Variants in ZFYVE9 observed in about 807,000 individuals in gnomAD.
The protein encoded by ZFYVE9 is zinc finger FYVE-type containing 9.
In ZFYVE9, 43 loss-of-function variants were observed where a neutral mutation model predicts 126.7. The observed-to-expected ratio is 0.34, with a 90% CI of 0.27 to 0.44. The LOEUF (loss-of-function observed/expected upper bound fraction) is 0.44, where lower values mean the gene tolerates loss of function less well. Ranked by LOEUF, ZFYVE9 falls within the 20% of genes least tolerant of loss-of-function variation. The pLI is 1.00. For synonymous variants in ZFYVE9, 521 were observed against 597.4 expected (o/e 0.87, Z 1.87); for missense variants, 1,476 against 1,697.0 (o/e 0.87, Z 2.29).
intron 1 of ZFYVE9, among the ~76,000 whole-genome samples, chr1:52,143,589 C>T (rs936394624): frequency 6.6e-6 from 1 of 152,102 alleles, no homozygotes; most frequent in Non-Finnish European, 1.5e-5. Context: ...GTAAACAGTA[C>T]AGGTTTATAA....
intron 9 of ZFYVE9, among the ~76,000 whole-genome samples, chr1:52,279,224 G>T (rs1188665476): frequency 6.6e-6 from 1 of 152,126 alleles, no homozygotes; most frequent in African/African-American, 2.4e-5. Flanking sequence ...TTCTTGAGAT[G>T]AGTATGTTAA....
intron 2 of ZFYVE9, among the ~76,000 whole-genome samples, chr1:52,223,311 C>T (rs1216501853): frequency 3.3e-5 from 5 of 152,148 alleles, no homozygotes; most frequent in Non-Finnish European, 5.9e-5. Context: ...CAGGTTTCAT[C>T]CCTTTGCTTC....
At chr1:52,205,039 C>T (rs1296285662) in intron 1 of ZFYVE9, among the ~76,000 whole-genome samples, 3 of 146,056 alleles carry the variant, frequency 2.1e-5, no homozygotes, top group Non-Finnish European at 3.0e-5. Flanking sequence ...TCTGTCCCTT[C>T]GAATTTGGGT....
At chr1:52,345,057 A>G in intron 18 of ZFYVE9, 113 bp downstream of exon 18, 1 of 1,180,870 alleles carries the variant, frequency 8.5e-7, no homozygotes, top group Non-Finnish European at 1.2e-6. Flanking sequence ...TTCTGGCCTG[A>G]CTGGATATAG....
At position 52,215,897 on chromosome 1, in the gene ZFYVE9, A is replaced by G. The variant is rs563512451; in HGVS notation, c.-142-472A>G. Among the ~76,000 whole-genome samples, 5 of 152,118 alleles carry G rather than the reference A, an allele frequency of 3.3e-5. No individual in the cohort carries two copies. The East Asian group carries it at 7.7e-4, about 23-fold the overall frequency. The stretch of plus-strand genomic sequence containing the variant: ...TGGAATCAAGAGACTCCATTTGGAG[A>G]AAAAAAACAGTTTGGCAATAAAAAT... On this transcript the variant is annotated intron_variant, in intron 1 of 18. Coordinates refer to ENST00000287727, the MANE Select transcript of ZFYVE9 (RefSeq NM_004799.4).
chr1:52,333,216 C>G (rs117185220), intron 14 of ZFYVE9, among the ~76,000 whole-genome samples: 1 of 150,812 alleles, frequency 6.6e-6, no homozygotes, highest in Admixed American at 6.6e-5. Flanking sequence ...GCAAAACTAA[C>G]ATGGCATGTG....
At chr1:52,329,799 G>A (rs139102510) in intron 13 of ZFYVE9, among the ~76,000 whole-genome samples, 2,136 of 152,228 alleles carry the variant, frequency 0.014, 71 homozygotes, top group East Asian at 0.12. Flanking sequence ...CAGCTACTCG[G>A]GAGGCTGAGG....
chr1:52,169,575 A>G (rs548052995), intron 1 of ZFYVE9, among the ~76,000 whole-genome samples: 1 of 152,204 alleles, frequency 6.6e-6, no homozygotes, highest in African/African-American at 2.4e-5. Context: ...TTGCTGTTTC[A>G]TCTCCAGTGC....
chr1:52,337,730 G>C (rs764826289), intron 15 of ZFYVE9, 42 bp from the exon 16 acceptor site: 4 of 1,597,706 alleles, frequency 2.5e-6, no homozygotes, highest in Non-Finnish European at 3.4e-6. Context: ...GCCAGGTGCT[G>C]TGTTTCATTT....
At chr1:52,180,093 T>C (rs1644683525) in intron 1 of ZFYVE9, 6 of 904,954 alleles carry the variant, frequency 6.6e-6, no homozygotes, top group Non-Finnish European at 9.4e-6. Flanking sequence ...AGCAACTAAA[T>C]TGAAGAATAA....
At chr1:52,281,879 A>G (rs978448418) in intron 10 of ZFYVE9, 63 bp downstream of exon 10, 1 of 1,579,712 alleles carries the variant, frequency 6.3e-7, no homozygotes, top group Non-Finnish European at 8.7e-7. Flanking sequence ...TTGAATTCAA[A>G]TACAAAATAA....
chr1:52,201,221 ATTTTGTT>A (rs1644920010), intron 1 of ZFYVE9, among the ~76,000 whole-genome samples: 1 of 152,002 alleles, frequency 6.6e-6, no homozygotes, highest in Non-Finnish European at 1.5e-5. Flanking sequence ...ATATAGAAGT[ATTTTGTT>A]TATTTTGGTG....
At chr1:52,343,699 T>G (rs1384207225) in intron 17 of ZFYVE9, among the ~76,000 whole-genome samples, 1 of 151,172 alleles carries the variant, frequency 6.6e-6, no homozygotes, top group South Asian at 2.1e-4. Flanking sequence ...GAGGTTGCAC[T>G]GAACTGAGAT....
chr1:52,307,120 A>G (rs554366525), intron 13 of ZFYVE9, among the ~76,000 whole-genome samples: 3 of 152,368 alleles, frequency 2.0e-5, no homozygotes, highest in African/African-American at 7.2e-5. Flanking sequence ...TGTCATTCCC[A>G]AGCAAATAAC....
chr1:52,164,528 A>G (rs1188954018), intron 1 of ZFYVE9, among the ~76,000 whole-genome samples: 1 of 151,900 alleles, frequency 6.6e-6, no homozygotes, highest in East Asian at 1.9e-4. Flanking sequence ...ATGAGTATAT[A>G]TCTTTATACA....
At chr1:52,175,739 C>G (rs1419046157) in intron 1 of ZFYVE9, among the ~76,000 whole-genome samples, 1 of 152,166 alleles carries the variant, frequency 6.6e-6, no homozygotes, top group Non-Finnish European at 1.5e-5. Flanking sequence ...TCCCTTCTTG[C>G]TTCATTTCAT....
At chr1:52,290,649 T>C (rs1166278762) in intron 10 of ZFYVE9, among the ~76,000 whole-genome samples, 1 of 152,086 alleles carries the variant, frequency 6.6e-6, no homozygotes, top group Non-Finnish European at 1.5e-5. Flanking sequence ...GGGGATCTTA[T>C]CTCCCTAAAG....
rs528672306 is a variant in ZFYVE9 at position 52,210,124 on chromosome 1, A to C, written c.-142-6245A>C. Among the ~76,000 whole-genome samples, 37 of 152,324 alleles carry C rather than the reference A, an allele frequency of 2.4e-4. 1 individual carries two copies. In the South Asian group the frequency reaches 7.7e-3, roughly 32 times the overall value. ...GAATGTAGAGTTGGGAGGAGAGGATAGTATCTAGAATTGTACTTAAGTTTC... is the reference window on the plus strand; with the variant it reads ...GAATGTAGAGTTGGGAGGAGAGGATCGTATCTAGAATTGTACTTAAGTTTC... On this transcript the variant is annotated intron_variant, in intron 1 of 18. Coordinates refer to ENST00000287727, the MANE Select transcript of ZFYVE9 (RefSeq NM_004799.4).
At chr1:52,313,883 C>T (rs576623057) in intron 13 of ZFYVE9, among the ~76,000 whole-genome samples, 3 of 152,054 alleles carry the variant, frequency 2.0e-5, no homozygotes, top group African/African-American at 7.2e-5. Context: ...AGAAAAAACT[C>T]GTGATCATGA....
Sources: allele counts gnomAD v4.1 joint callset (sites outside exome capture counted in the v4.1 genomes callset), GRCh38; gene constraint gnomAD v4.1.1; transcripts MANE v1.5; gene names NCBI Gene and HGNC (gene_info 2026-07-23, HGNC 2026-07-21).